The following NTN1 variants were observed in gnomAD, a reference collection of about 807,000 sequenced individuals.
The protein encoded by NTN1 is netrin-1.
A neutral mutation model predicts 54.2 loss-of-function variants in NTN1; 11 were observed. That is an observed-to-expected ratio of 0.20 (90% CI 0.13 to 0.34). NTN1 has a LOEUF of 0.34. Ranked by LOEUF, NTN1 falls within the 10% of genes least tolerant of loss-of-function variation. NTN1 has a pLI of 1.00. For missense variants in NTN1, 740 were observed against 893.1 expected, an observed-to-expected ratio of 0.83 and a Z score of 2.18; for synonymous variants, 371 against 382.0, an observed-to-expected ratio of 0.97 and a Z score of 0.33.
At chr17:9,104,301 A>G (rs1359558099) in intron 2 of NTN1, among the ~76,000 whole-genome samples, 15 of 152,140 alleles carry the variant, frequency 9.9e-5, no homozygotes, top group South Asian at 2.1e-4. Flanking sequence ...TTGTGCAACA[A>G]TGTGAATGTA....
rs529341814 is a variant in NTN1 at position 9,057,444 on chromosome 17, T to C, written c.1018+34053T>C. Among the ~76,000 whole-genome samples, 6 of 152,298 alleles carry C rather than the reference T, an allele frequency of 3.9e-5. No individual in the cohort carries two copies. The East Asian group carries it at 1.2e-3, about 29-fold the overall frequency. On this transcript the variant is annotated intron_variant, in intron 2 of 6. Coordinates refer to ENST00000173229, the MANE Select transcript of NTN1 (RefSeq NM_004822.3). ...TGCCCGGGCTTATCACTATATTGTTTGCTTTCTGCTCTTCCCCGGGGTTTG... is the reference window on the plus strand; with the variant it reads ...TGCCCGGGCTTATCACTATATTGTTCGCTTTCTGCTCTTCCCCGGGGTTTG...
At chr17:9,162,271 T>C in intron 2 of NTN1, among the ~76,000 whole-genome samples, 1 of 152,154 alleles carries the variant, frequency 6.6e-6, no homozygotes, top group South Asian at 2.1e-4. Flanking sequence ...TACAACAAAG[T>C]GCCACGGGCT....
intron 2 of NTN1, among the ~76,000 whole-genome samples, chr17:9,084,885 TC>T: frequency 6.6e-6 from 1 of 152,000 alleles, no homozygotes; most frequent in East Asian, 1.9e-4. Flanking sequence ...TCTCCTGACC[TC>T]GTGATCTGCC....
In NTN1 at chr17:9,022,901, C is replaced by G. The variant is rs1395836571; in HGVS notation, c.528C>G (p.Phe176Leu). 6.2e-7 allele frequency: 1 copy of G among 1,612,180 alleles called. No individual in the cohort carries two copies. The highest frequency in any genetic ancestry group is 1.3e-5 in the African/African-American group (1 of 74,854). The part of the protein sequence containing the change: ...DYGRTWVPFQ[F>L]YSTQCRKMYN... ...GGCGCACGTGGGTGCCCTTCCAGTT[C>G]TACTCCACGCAGTGCCGCAAGATGT... The change falls in exon 2 of 7, where the codon TTC (phenylalanine) becomes TTG (leucine). Residue 176 changes from phenylalanine (F) to leucine (L), a missense_variant. Phe to Leu is a conservative substitution (Grantham distance 22). Transcript: ENST00000173229.
At chr17:9,017,669 T>TCC (rs2091834699), upstream of NTN1, among the ~76,000 whole-genome samples, 1 of 152,212 alleles carries the variant, frequency 6.6e-6, no homozygotes, top group Non-Finnish European at 1.5e-5. Flanking sequence ...ACCTGGTGAT[T>TCC]TGCTTTCTCA....
At chr17:9,183,537 A>G (rs2092425287) in intron 5 of NTN1, 2 of 348,758 alleles carry the variant, frequency 5.7e-6, no homozygotes, top group South Asian at 2.3e-5. Flanking sequence ...CGGTTTACAC[A>G]TCACATTCTA....
chr17:9,237,097 A>C lies in NTN1; in HGVS notation c.1487-2543A>C, dbSNP rs182841352. On this transcript the variant is annotated intron_variant, in intron 6 of 6. Transcript: ENST00000173229. ...GAGGCCCAACATCCCCAAAATCTTCAAGATGAATTGTATTAGCTTCTAGGG... is the reference window on the plus strand; with the variant it reads ...GAGGCCCAACATCCCCAAAATCTTCCAGATGAATTGTATTAGCTTCTAGGG... 3.9e-5 allele frequency among the ~76,000 whole-genome samples: 6 copies of C among 152,306 alleles called. No homozygotes were observed. The East Asian group carries it at 1.2e-3, about 29-fold the overall frequency.
Position 9,240,658 on chromosome 17 carries a change from TGGGTGG to T in NTN1, c.*694_*699del. 6.5e-6 allele frequency: 1 copy of T among 152,900 alleles called. No homozygotes were observed. The highest frequency in any genetic ancestry group is 1.9e-4 in the East Asian group (1 of 5,204). The allele number at this position is 152,900 out of a possible 1,614,324, so 9.5% of individuals were successfully genotyped here. On this transcript the variant is annotated 3_prime_UTR_variant, in exon 7 of 7. Coordinates refer to ENST00000173229, the MANE Select transcript of NTN1 (RefSeq NM_004822.3). ...CTGCTACCTGCTGAGTGGGTCCTAC[TGGGTGG>T]GGGCTTGGGGTCGGTGAGTGGTTCA...
rs1025806213 is a variant in NTN1, at chr17:9,204,175, C to T, written c.1412-16993C>T. 4.7e-5 allele frequency among the ~76,000 whole-genome samples: 7 copies of T among 149,642 alleles called. No homozygotes were observed. The East Asian group carries it at 5.9e-4, about 13-fold the overall frequency. ...GCAAGGATAGACCACCCTTAGTAAC[C>T]GTTCCTTCCTTCCTTCCCTCCTTCC... On this transcript the variant is annotated intron_variant, in intron 5 of 6. Coordinates refer to ENST00000173229, the MANE Select transcript of NTN1 (RefSeq NM_004822.3).
chr17:9,210,444 CCACACACACACACACA>C (rs71135952), intron 5 of NTN1, among the ~76,000 whole-genome samples: 2 of 100,898 alleles, frequency 2.0e-5, no homozygotes, highest in East Asian at 2.1e-4. Flanking sequence ...ACCCCCACAC[CCACACACACACACACA>C]CACACACTCT....
At chr17:9,032,807 C>T (rs1001122547) in intron 2 of NTN1, among the ~76,000 whole-genome samples, 1 of 152,094 alleles carries the variant, frequency 6.6e-6, no homozygotes, top group African/African-American at 2.4e-5. Context: ...GTGGGCAGGT[C>T]GATCTCAGCC....
At position 9,237,484 on chromosome 17, in the gene NTN1, A is replaced by G. The variant is rs974037671; in HGVS notation, c.1487-2156A>G. 1.3e-5 allele frequency among the ~76,000 whole-genome samples: 2 copies of G among 152,288 alleles called. 1 individual carries two copies. The highest frequency in any genetic ancestry group is 6.8e-3 in the Middle Eastern group (2 of 294). On this transcript the variant is annotated intron_variant, in intron 6 of 6. Transcript: ENST00000173229. ...TAAGGTGTAAGGTTTCAACAGAGGA[A>G]TTTGTTGGGACACCATTCAGCACAC...
intron 5 of NTN1, among the ~76,000 whole-genome samples, chr17:9,192,796 C>T (rs550344484): frequency 5.3e-4 from 80 of 152,246 alleles, no homozygotes; most frequent in African/African-American, 1.8e-3. Context: ...AAGCTGTTTC[C>T]TCGGCCGGGC....
chr17:9,032,121 G>A (rs941651328), intron 2 of NTN1, among the ~76,000 whole-genome samples: 5 of 152,200 alleles, frequency 3.3e-5, no homozygotes, highest in African/African-American at 1.2e-4. Context: ...CCCCCAGTGA[G>A]GCACTTTGCT....
chr17:9,023,069 C>G lies in NTN1; in HGVS notation c.696C>G (p.Phe232Leu), dbSNP rs1401636588. The G allele has an allele frequency of 2.5e-6, 4 of 1,576,980 alleles. No homozygotes were observed. The African/African-American group carries it at 4.1e-5, about 16-fold the overall frequency. Residue 232 changes from phenylalanine (F) to leucine (L), a missense_variant, in exon 2 of 7, where the codon TTC becomes TTG. Transcript: ENST00000173229. Reference protein sequence around the residue: ...TLDGRPSAHDFDNSPVLQDWV... With the variant: ...TLDGRPSAHDLDNSPVLQDWV... ...ACGGGCGGCCCTCGGCGCACGACTT[C>G]GACAACTCGCCCGTGCTGCAGGACT...
chr17:9,241,675 C>T lies in NTN1; in HGVS notation c.*1707C>T, dbSNP rs1322600970. 6.6e-6 allele frequency: 1 copy of T among 152,448 alleles called. No individual in the cohort carries two copies. The highest frequency in any genetic ancestry group is 6.5e-5 in the Admixed American group (1 of 15,298). The allele number at this position is 152,448 out of a possible 1,614,324, so 9.4% of individuals were successfully genotyped here. A position where few individuals can be genotyped will look rare whatever the true frequency, so the allele number is the denominator to read the frequency against. On this transcript the variant is annotated 3_prime_UTR_variant, in exon 7 of 7. Coordinates refer to ENST00000173229, the MANE Select transcript of NTN1 (RefSeq NM_004822.3). ...CCACATTTACCCGCATCACGGCTGC[C>T]ATTTATTGAGCACCTGCTGTGTGCC...
intron 6 of NTN1, among the ~76,000 whole-genome samples, chr17:9,236,132 G>A (rs1009522874): frequency 2.7e-5 from 4 of 149,512 alleles, no homozygotes; most frequent in African/African-American, 9.9e-5. Flanking sequence ...TTTGGGGGGG[G>A]GGGTACTAAC....
At chr17:9,151,417 G>A (rs756257485) in intron 2 of NTN1, among the ~76,000 whole-genome samples, 7 of 152,112 alleles carry the variant, frequency 4.6e-5, no homozygotes, top group South Asian at 4.2e-4. Flanking sequence ...TTGGCAAGCC[G>A]GGAACTCCAG....
intron 4 of NTN1, among the ~76,000 whole-genome samples, chr17:9,181,975 T>C (rs559841230): frequency 1.3e-5 from 2 of 152,274 alleles, no homozygotes; most frequent in Admixed American, 1.3e-4. Context: ...TTTTAAATAT[T>C]TATTATTATA....
Sources: allele counts gnomAD v4.1 joint callset (sites outside exome capture counted in the v4.1 genomes callset), GRCh38; gene constraint gnomAD v4.1.1; transcripts MANE v1.5; gene names NCBI Gene and HGNC (gene_info 2026-07-23, HGNC 2026-07-21).